The following ITIH5 variants were observed in gnomAD, a reference collection of about 807,000 sequenced individuals.
ITIH5 encodes the protein inter-alpha-trypsin inhibitor heavy chain H5.
ITIH5 carries 65 observed loss-of-function variants against 77.5 expected under a neutral mutation model. The observed-to-expected ratio is 0.84, with a 90% CI of 0.69 to 1.03. The LOEUF (loss-of-function observed/expected upper bound fraction) is 1.03, where lower values mean the gene tolerates loss of function less well. ITIH5 is among the 50% of genes least tolerant of loss of function. ITIH5 has a pLI of 0.00. For synonymous variants in ITIH5, 525 were observed against 494.3 expected (o/e 1.06, Z -0.82); for missense variants, 1,208 against 1,213.1 (o/e 1.00, Z 0.06).
chr10:7,652,305 A>G lies in ITIH5; in HGVS notation c.135+3326T>C, dbSNP rs566383814. Among the ~76,000 whole-genome samples the G allele has an allele frequency of 6.6e-5, 10 of 152,276 alleles. No homozygotes were observed. In the East Asian group the frequency reaches 1.9e-3, roughly 29 times the overall value. ...AATTCAAGCACGGAACATTCAGAGG[A>G]TGACAACTGGAGGGAGATGGCAAGA... On this transcript the variant is annotated intron_variant, in intron 2 of 13. Transcript: ENST00000397146.
At chr10:7,599,844 G>C (rs1345899487) in intron 7 of ITIH5, among the ~76,000 whole-genome samples, 1 of 152,188 alleles carries the variant, frequency 6.6e-6, no homozygotes, top group Non-Finnish European at 1.5e-5. Context: ...CCCTCCACCA[G>C]GCAGGGAGAG....
chr10:7,569,738 G>A lies in ITIH5; in HGVS notation c.2079C>T (p.Leu693=), dbSNP rs1424424647. The A allele has an allele frequency of 1.9e-6, 3 of 1,613,110 alleles. No individual in the cohort carries two copies. The highest frequency in any genetic ancestry group is 2.7e-5 in the African/African-American group (2 of 75,012). ...GCCCATCAATGTTGAAGCACACGGT[G>A]AGTCTGCTCAGGGGGAAATCCACAA... is the stretch of plus-strand genomic sequence containing the variant. The part of the protein sequence containing the change: ...HFVVDFPLSR[L]TVCFNIDGQP... Residue 693 remains leucine, a synonymous_variant, in exon 12 of 14, where the codon CTC becomes CTT. Coordinates refer to ENST00000397146, the MANE Select transcript of ITIH5 (RefSeq NM_030569.7).
intron 1 of ITIH5, among the ~76,000 whole-genome samples, chr10:7,657,139 G>A (rs191560197): frequency 8.0e-4 from 120 of 150,712 alleles, no homozygotes; most frequent in African/African-American, 2.5e-3. Context: ...CCAACTCCCG[G>A]GTTCAAGCGA....
In ITIH5 at chr10:7,640,784, T is replaced by G; in HGVS notation, c.371A>C (p.Glu124Ala). Reference sequence around the variant, plus strand: ...TTCTTCTGTGGTTTTATTCCTTTTCTCTTTTACCCTATCACCACTCTTCTT... The same window carrying G: ...TTCTTCTGTGGTTTTATTCCTTTTCGCTTTTACCCTATCACCACTCTTCTT... ...REKKSGDRVK[E>A]KRNKTTEENG... The change falls in exon 4 of 14, where the codon GAG becomes GCG. Residue 124 changes from glutamate to alanine, a missense_variant. Coordinates refer to ENST00000397146, the MANE Select transcript of ITIH5 (RefSeq NM_030569.7). 3.1e-6 allele frequency: 5 copies of G among 1,612,962 alleles called. No individual in the cohort carries two copies. The highest frequency in any genetic ancestry group is 3.4e-6 in the Non-Finnish European group (4 of 1,178,984).
intron 5 of ITIH5, among the ~76,000 whole-genome samples, chr10:7,632,432 G>A (rs1833727813): frequency 6.6e-6 from 1 of 152,068 alleles, no homozygotes; most frequent in African/African-American, 2.4e-5. Flanking sequence ...CTTCAAATAA[G>A]TAAATGCTAC....
At chr10:7,626,564 G>A (rs948041100) in intron 5 of ITIH5, among the ~76,000 whole-genome samples, 3 of 152,178 alleles carry the variant, frequency 2.0e-5, no homozygotes, top group Non-Finnish European at 2.9e-5. Flanking sequence ...AGCAGAGACC[G>A]GACCCAGACC....
chr10:7,604,834 TTC>T (rs1554753380), intron 7 of ITIH5, among the ~76,000 whole-genome samples: 1 of 150,184 alleles, frequency 6.7e-6, no homozygotes, highest in Admixed American at 6.7e-5. Context: ...GTTTCATTTT[TTC>T]TTCTTTTTTG....
rs373629101 is a variant in ITIH5, at chr10:7,655,673, A to C, written c.93T>G (p.Asp31Glu). The change falls in exon 2 of 14, where the codon GAT becomes GAG. Residue 31 changes from aspartate (D) to glutamate (E), a missense_variant and splice_region_variant. Transcript: ENST00000397146. ...AQSWGHSSEQ[D>E]GLRVPRQVRL... ...TGACTTGCCTCGGGACCCTGAGTCC[A>C]TCCTAGAAAAGAGAAGAGACTGTTA... The C allele has an allele frequency of 6.2e-7, 1 of 1,611,124 alleles. No homozygotes were observed. The highest frequency in any genetic ancestry group is 1.7e-5 in the Admixed American group (1 of 60,022).
At chr10:7,618,863 G>A (rs1441573789) in intron 5 of ITIH5, 1 of 152,168 alleles carries the variant, frequency 6.6e-6, no homozygotes, top group Non-Finnish European at 1.5e-5. Flanking sequence ...AACAAAATAG[G>A]CAATTATTTT....
At chr10:7,572,508 G>A (rs925624337) in intron 11 of ITIH5, 54 of 1,239,124 alleles carry the variant, frequency 4.4e-5, no homozygotes, top group African/African-American at 6.3e-5. Context: ...TGCATGCTCC[G>A]GATCTCTAAA....
At chr10:7,642,830 A>T (rs1253152994) in intron 2 of ITIH5, among the ~76,000 whole-genome samples, 1 of 152,222 alleles carries the variant, frequency 6.6e-6, no homozygotes, top group Non-Finnish European at 1.5e-5. Context: ...TGAAGAAGGA[A>T]GAAAACATTT....
chr10:7,580,711 A>T (rs1663076585), intron 8 of ITIH5, among the ~76,000 whole-genome samples: 1 of 152,132 alleles, frequency 6.6e-6, no homozygotes, highest in Non-Finnish European at 1.5e-5. Flanking sequence ...AGAGCCGCAG[A>T]GGGGAGGAGG....
Position 7,563,068 on chromosome 10 carries a change from T to C in ITIH5, c.*15A>G. ...CACTGTCCTTCATGCACTTGCATCT[T>C]TAAGGCTGCCAGCTTCAGAGCTCCC... On this transcript the variant is annotated 3_prime_UTR_variant, in exon 14 of 14. Coordinates refer to ENST00000397146, the MANE Select transcript of ITIH5 (RefSeq NM_030569.7). The C allele has an allele frequency of 6.2e-7, 1 of 1,612,370 alleles. No individual in the cohort carries two copies. The highest frequency in any genetic ancestry group is 8.5e-7 in the Non-Finnish European group (1 of 1,178,398).
At chr10:7,644,637 TATATATCATATATATCA>T (rs1833959725) in intron 2 of ITIH5, among the ~76,000 whole-genome samples, 1 of 82,240 alleles carries the variant, frequency 1.2e-5, no homozygotes, top group Non-Finnish European at 2.9e-5. Context: ...ATATATCACA[TATATATCATATATATCA>T]CATATATATC....
intron 8 of ITIH5, among the ~76,000 whole-genome samples, chr10:7,584,020 C>T (rs148414046): frequency 6.6e-4 from 101 of 152,338 alleles, no homozygotes; most frequent in African/African-American, 2.4e-3. Flanking sequence ...AATGCTTTAA[C>T]TCACTCCATC....
intron 5 of ITIH5, among the ~76,000 whole-genome samples, chr10:7,625,020 A>G (rs932643983): frequency 6.6e-6 from 1 of 151,076 alleles, no homozygotes; most frequent in African/African-American, 2.4e-5. Flanking sequence ...ACCAGAAACA[A>G]TGGTAGAGCA....
chr10:7,595,878 C>T (rs890357093), intron 7 of ITIH5, among the ~76,000 whole-genome samples: 10 of 152,062 alleles, frequency 6.6e-5, no homozygotes, highest in Non-Finnish European at 8.8e-5. Flanking sequence ...CATTGTGGCA[C>T]GTGCCTGTAG....
chr10:7,587,288 T>C (rs1259715360), intron 7 of ITIH5, among the ~76,000 whole-genome samples: 2 of 152,214 alleles, frequency 1.3e-5, no homozygotes, highest in Non-Finnish European at 2.9e-5. Context: ...AGAAATACTC[T>C]AGGGGCCTAG....
At chr10:7,592,486 G>C (rs540180833) in intron 7 of ITIH5, among the ~76,000 whole-genome samples, 1 of 152,284 alleles carries the variant, frequency 6.6e-6, no homozygotes, top group Admixed American at 6.5e-5. Flanking sequence ...GAGGGACAGA[G>C]AGAAAGAGAG....
Sources: allele counts gnomAD v4.1 joint callset (sites outside exome capture counted in the v4.1 genomes callset), GRCh38; gene constraint gnomAD v4.1.1; transcripts MANE v1.5; gene names NCBI Gene and HGNC (gene_info 2026-07-23, HGNC 2026-07-21).